Variants in FGF12 observed in about 807,000 individuals in gnomAD.
The protein encoded by FGF12 is fibroblast growth factor 12B.
FGF12 carries 14 observed loss-of-function variants against 23.6 expected under a neutral mutation model. The observed-to-expected ratio is 0.59, with a 90% CI of 0.39 to 0.93. The LOEUF is 0.93. FGF12 is among the 40% of genes least tolerant of loss of function. The pLI is 0.00. For synonymous variants in FGF12, 62 were observed against 77.3 expected (o/e 0.80, Z 1.04); for missense variants, 175 against 217.8 (o/e 0.80, Z 1.24).
intron 2 of FGF12, among the ~76,000 whole-genome samples, chr3:192,646,450 C>A (rs1223294312): frequency 6.6e-6 from 1 of 151,918 alleles, no homozygotes; most frequent in East Asian, 1.9e-4. Context: ...GAGGAATCCA[C>A]AAAACACTTT....
chr3:192,596,094 A>AAATAT (rs58052704), intron 2 of FGF12, among the ~76,000 whole-genome samples: 39,166 of 99,248 alleles, frequency 0.39, 6,157 homozygotes, highest in South Asian at 0.45. Flanking sequence ...CCTGACTCAA[A>AAATAT]AATATAATAT....
chr3:192,606,290 T>C (rs1436894232), intron 2 of FGF12, among the ~76,000 whole-genome samples: 4 of 152,180 alleles, frequency 2.6e-5, no homozygotes, highest in African/African-American at 9.6e-5. Context: ...AAATACTGCA[T>C]GTTCTCGCTT....
intron 5 of FGF12, among the ~76,000 whole-genome samples, chr3:192,148,519 G>T (rs979696478): frequency 6.6e-6 from 1 of 152,100 alleles, no homozygotes; most frequent in Admixed American, 6.5e-5. Flanking sequence ...TTCTGGAGTT[G>T]GATGATGGTG....
intron 4 of FGF12, among the ~76,000 whole-genome samples, chr3:192,193,024 A>G (rs572298986): frequency 6.6e-6 from 1 of 152,200 alleles, no homozygotes; most frequent in Non-Finnish European, 1.5e-5. Context: ...GGGAGGTAGG[A>G]AGAACATAGA....
At chr3:192,233,136 C>T (rs2108586620) in intron 4 of FGF12, among the ~76,000 whole-genome samples, 2 of 152,258 alleles carry the variant, frequency 1.3e-5, no homozygotes, top group African/African-American at 4.8e-5. Flanking sequence ...TGGGCTGCTT[C>T]CCACAATGGG....
At chr3:192,602,722 CAAAAA>C (rs5855439) in intron 2 of FGF12, among the ~76,000 whole-genome samples, 1 of 125,648 alleles carries the variant, frequency 8.0e-6, no homozygotes, top group Non-Finnish European at 1.7e-5. Flanking sequence ...CACAAAGGCC[CAAAAA>C]AAAAAAAAAC....
chr3:192,462,688 T>C (rs1346859397), intron 2 of FGF12, among the ~76,000 whole-genome samples: 1 of 152,180 alleles, frequency 6.6e-6, no homozygotes, highest in South Asian at 2.1e-4. Flanking sequence ...CCAAGGTTCT[T>C]TAATATGACA....
At chr3:192,425,018 T>C (rs751129776) in intron 2 of FGF12, among the ~76,000 whole-genome samples, 2 of 152,152 alleles carry the variant, frequency 1.3e-5, no homozygotes, top group East Asian at 1.9e-4. Context: ...TATGTGTGTA[T>C]AAAATTTTAA....
intron 2 of FGF12, among the ~76,000 whole-genome samples, chr3:192,670,825 A>G (rs1366351340): frequency 6.6e-6 from 1 of 152,354 alleles, no homozygotes; most frequent in African/African-American, 2.4e-5. Context: ...CCCGAAGGAT[A>G]GTTTGAATCT....
chr3:192,374,738 T>C (rs1226921209), intron 2 of FGF12, among the ~76,000 whole-genome samples: 1 of 152,148 alleles, frequency 6.6e-6, no homozygotes, highest in Non-Finnish European at 1.5e-5. Flanking sequence ...GTGAAGTGAC[T>C]GCCCAATGGC....
chr3:192,719,786 C>CAAAAAAAAA (rs553013127), intron 2 of FGF12, among the ~76,000 whole-genome samples: 25 of 102,182 alleles, frequency 2.4e-4, no homozygotes, highest in East Asian at 6.6e-4. Flanking sequence ...AGACTAAGGG[C>CAAAAAAAAA]AAAAAAAAAA....
chr3:192,483,802 T>C (rs1484931327), intron 2 of FGF12, among the ~76,000 whole-genome samples: 1 of 152,122 alleles, frequency 6.6e-6, no homozygotes. Flanking sequence ...AAATGTATTT[T>C]ATTTGTGGTA....
intron 4 of FGF12, among the ~76,000 whole-genome samples, chr3:192,260,790 C>A (rs1423810272): frequency 1.3e-5 from 2 of 152,072 alleles, no homozygotes; most frequent in South Asian, 4.1e-4. Context: ...GGGCCTGACT[C>A]ATTTCTTAAA....
In FGF12 at chr3:192,437,089, G is replaced by A. The variant is rs150997842; in HGVS notation, c.14-76551C>T. Among the ~76,000 whole-genome samples, 199 of 152,240 alleles carry A rather than the reference G, an allele frequency of 1.3e-3. No individual in the cohort carries two copies. The East Asian group carries it at 0.02, about 15-fold the overall frequency. On this transcript the variant is annotated intron_variant, in intron 2 of 5. Coordinates refer to ENST00000445105, the MANE Select transcript of FGF12 (RefSeq NM_004113.6). ...AGTGTATAATTCCTTAAAAGGTCTTGCAGCAAGAGAAGCCGGGTAGAAGGG... is the reference window on the plus strand; with the variant it reads ...AGTGTATAATTCCTTAAAAGGTCTTACAGCAAGAGAAGCCGGGTAGAAGGG...
chr3:192,501,552 G>A, intron 2 of FGF12, among the ~76,000 whole-genome samples: 1 of 152,134 alleles, frequency 6.6e-6, no homozygotes, highest in East Asian at 1.9e-4. Context: ...GGGCTAGTTA[G>A]CGTAATAGTA....
At chr3:192,192,346 T>C (rs952976439) in intron 4 of FGF12, among the ~76,000 whole-genome samples, 3 of 151,116 alleles carry the variant, frequency 2.0e-5, no homozygotes, top group African/African-American at 7.3e-5. Context: ...TTTATTTTAT[T>C]CAAATTATAT....
intron 3 of FGF12, among the ~76,000 whole-genome samples, chr3:192,353,677 A>T (rs1323303958): frequency 2.0e-5 from 3 of 152,146 alleles, no homozygotes; most frequent in African/African-American, 7.2e-5. Context: ...CTGGGAGCAG[A>T]AGTCTTATGA....
chr3:192,269,195 C>T (rs931401084), intron 4 of FGF12, among the ~76,000 whole-genome samples: 1 of 152,138 alleles, frequency 6.6e-6, no homozygotes, highest in African/African-American at 2.4e-5. Context: ...GCTGAGATTA[C>T]AGGCATGAGC....
chr3:192,254,149 G>C (rs1712220016), intron 4 of FGF12, among the ~76,000 whole-genome samples: 2 of 151,644 alleles, frequency 1.3e-5, no homozygotes, highest in Admixed American at 1.3e-4. Context: ...CTGAAATTTT[G>C]TATCCTTTGA....
Sources: allele counts gnomAD v4.1 joint callset (sites outside exome capture counted in the v4.1 genomes callset), GRCh38; gene constraint gnomAD v4.1.1; transcripts MANE v1.5; gene names NCBI Gene and HGNC (gene_info 2026-07-23, HGNC 2026-07-21).